Variants in MARK3 observed in about 807,000 individuals in gnomAD.
The protein encoded by MARK3 is MAP/microtubule affinity-regulating kinase 3.
Under a neutral mutation model 90.1 loss-of-function variants are expected in MARK3, and 46 were observed. The ratio of observed to expected loss-of-function variants is 0.51; its 90% confidence interval spans 0.40 to 0.65. The LOEUF is 0.65. MARK3 is among the 30% of genes least tolerant of loss of function. The pLI, the probability that MARK3 is intolerant of heterozygous loss-of-function variation, is 0.00. For synonymous variants in MARK3, 321 were observed against 332.6 expected (o/e 0.97, Z 0.38); for missense variants, 818 against 947.2 (o/e 0.86, Z 1.79).
rs1291930706 is a variant in MARK3, at chr14:103,457,147, G to C, written c.418G>C (p.Val140Leu). 1 of 1,599,852 alleles carries C rather than the reference G, an allele frequency of 6.3e-7. No homozygotes were observed. Among genetic ancestry groups the C allele is most frequent in the Admixed American group, 1.7e-5 (1 of 59,938 alleles). Residue 140 changes from valine (V) to leucine (L), a missense_variant, in exon 6 of 18, where the codon GTA (valine) becomes CTA (leucine). Val to Leu is a conservative substitution (Grantham distance 32). This residue lies in a region of MARK3 where 101 missense variants were observed against 175.1 expected (regional missense o/e 0.58). Transcript: ENST00000429436. ...LIMEYASGGE[V>L]FDYLVAHGRM... ...TTTATTTCTCTCACCTATAGGTGAA[G>C]TATTTGACTATTTGGTTGCACATGG...
At chr14:103,455,783 C>T (rs2093265347) in intron 5 of MARK3, among the ~76,000 whole-genome samples, 1 of 151,168 alleles carries the variant, frequency 6.6e-6, no homozygotes, top group Non-Finnish European at 1.5e-5. Context: ...ATATTTGTGC[C>T]CATTCATTAT....
chr14:103,388,822 A>C (rs1396239930), intron 1 of MARK3, among the ~76,000 whole-genome samples: 1 of 152,074 alleles, frequency 6.6e-6, no homozygotes, highest in African/African-American at 2.4e-5. Flanking sequence ...TTTGAGATTT[A>C]TTTGAATGTG....
At chr14:103,392,666 T>TA (rs1355530615) in intron 1 of MARK3, among the ~76,000 whole-genome samples, 3 of 152,154 alleles carry the variant, frequency 2.0e-5, no homozygotes, top group East Asian at 1.9e-4. Context: ...TCCATGAGTT[T>TA]AAAAAAAACT....
chr14:103,492,247 G>A (rs2094029163), intron 15 of MARK3, among the ~76,000 whole-genome samples: 1 of 152,124 alleles, frequency 6.6e-6, no homozygotes, highest in African/African-American at 2.4e-5. Context: ...AAGTTAACTA[G>A]CATTTAGGAG....
intron 2 of MARK3, chr14:103,411,980 C>A: frequency 4.0e-6 from 1 of 250,990 alleles, no homozygotes; most frequent in Non-Finnish European, 7.3e-6. Context: ...ATTTACTCTT[C>A]CACATGAATT....
chr14:103,466,140 T>C, intron 9 of MARK3, 49 bp downstream of exon 9: 1 of 1,599,906 alleles, frequency 6.3e-7, no homozygotes, highest in Non-Finnish European at 8.5e-7. Context: ...GTCTTTAGAG[T>C]GACCTTAGAT....
Position 103,423,200 on chromosome 14 carries a change from C to CTTT in MARK3, c.244-5175_244-5173dup, listed in dbSNP as rs10529756. On this transcript the variant is annotated intron_variant, in intron 2 of 17. Transcript: ENST00000429436. ...TCTATCCCCCTAGAGGACTTGCAGTCTTTTTTTTTTTTTTGCCTCCTCTTT... is the reference window on the plus strand; with the variant it reads ...TCTATCCCCCTAGAGGACTTGCAGTCTTTTTTTTTTTTTTTTTGCCTCCTCTTT... 1.5e-3 allele frequency among the ~76,000 whole-genome samples: 139 copies of CTTT among 94,706 alleles called. 18 individuals are homozygous for CTTT. Among genetic ancestry groups the CTTT allele is most frequent in the Middle Eastern group, 8.1e-3 (1 of 124 alleles). The allele number at this position is 94,706 out of a possible 152,430, so 62.1% of individuals were successfully genotyped here.
intron 6 of MARK3, among the ~76,000 whole-genome samples, chr14:103,461,238 G>A (rs186316041): frequency 1.0e-3 from 159 of 152,270 alleles, no homozygotes; most frequent in Non-Finnish European, 1.6e-3. Flanking sequence ...GAAAAGACTA[G>A]ATGCAAGTAC....
At chr14:103,434,076 T>A (rs963712188) in intron 3 of MARK3, among the ~76,000 whole-genome samples, 2 of 152,124 alleles carry the variant, frequency 1.3e-5, no homozygotes, top group Non-Finnish European at 2.9e-5. Flanking sequence ...GAGAACCATT[T>A]GACATCTGAT....
intron 14 of MARK3, among the ~76,000 whole-genome samples, chr14:103,487,104 A>G (rs2093943963): frequency 1.3e-5 from 2 of 151,080 alleles, no homozygotes; most frequent in Admixed American, 6.6e-5. Context: ...TTTAGTAGTG[A>G]TGGGTTTTTG....
At chr14:103,458,438 G>A (rs1297910076) in intron 6 of MARK3, among the ~76,000 whole-genome samples, 1 of 109,034 alleles carries the variant, frequency 9.2e-6, no homozygotes, top group Non-Finnish European at 1.7e-5. Flanking sequence ...CAGCCTGGGT[G>A]ACAGAGACTC....
intron 1 of MARK3, among the ~76,000 whole-genome samples, chr14:103,397,829 C>T (rs1373524035): frequency 6.6e-6 from 1 of 152,174 alleles, no homozygotes; most frequent in African/African-American, 2.4e-5. Flanking sequence ...GATGCTTTCT[C>T]ATAAATTCAG....
intron 15 of MARK3, among the ~76,000 whole-genome samples, chr14:103,497,563 G>T (rs962798499): frequency 6.6e-6 from 1 of 152,008 alleles, no homozygotes; most frequent in Admixed American, 6.6e-5. Context: ...AGAATTCTTC[G>T]TGTTTACTAC....
intron 1 of MARK3, among the ~76,000 whole-genome samples, chr14:103,389,504 A>G (rs10137098): frequency 0.97 from 123,853 of 127,940 alleles, 60,103 homozygotes; most frequent in East Asian, 1. Flanking sequence ...CTGCAGCCTG[A>G]GTGACAGAGT....
Position 103,491,598 on chromosome 14 carries a change from G to A in MARK3, c.1587-179G>A, listed in dbSNP as rs1205269019. 5.0e-6 allele frequency: 3 copies of A among 605,956 alleles called. No individual in the cohort carries two copies. In the Admixed American group the frequency reaches 9.1e-5, roughly 18 times the overall value. 37.5% of individuals were successfully genotyped at this position (605,956 alleles called of 1,614,324 possible). A position where few individuals can be genotyped will look rare whatever the true frequency, so the allele number is the denominator to read the frequency against. On this transcript the variant is annotated intron_variant, in intron 14 of 17. Transcript: ENST00000429436. ...ACTCCATGAGGCTTTGTCTCATTAT[G>A]TATTGTTCTTTTGGTACCCTTTCCC...
At chr14:103,447,198 G>A (rs754501073) in intron 3 of MARK3, among the ~76,000 whole-genome samples, 21 of 152,138 alleles carry the variant, frequency 1.4e-4, no homozygotes, top group Non-Finnish European at 2.8e-4. Flanking sequence ...ACTTTGGAAG[G>A]CTGAGGGGGA....
intron 13 of MARK3, among the ~76,000 whole-genome samples, chr14:103,475,930 G>A (rs145525526): frequency 2.6e-3 from 396 of 149,570 alleles, no homozygotes; most frequent in Non-Finnish European, 4.4e-3. Flanking sequence ...GCGACAGAGC[G>A]AGACTCCTTC....
chr14:103,467,674 CAAA>C lies in MARK3; in HGVS notation c.1111-338_1111-336del, dbSNP rs10525116. 157 of 44,926 alleles carry C rather than the reference CAAA, an allele frequency of 3.5e-3. 3 individuals are homozygous for C. Among genetic ancestry groups the C allele is most frequent in the African/African-American group, 0.012 (113 of 9,696 alleles). 2.8% of individuals were successfully genotyped at this position (44,926 alleles called of 1,614,324 possible). On this transcript the variant is annotated intron_variant, in intron 11 of 17. Coordinates refer to ENST00000429436, the MANE Select transcript of MARK3 (RefSeq NM_001128918.3). ...TGGGTGACAGAGCGAGACTCTGTCT[CAAA>C]AAAAAAAAAAAAAAAAAAAAGATGG...
rs145226620 is a variant in MARK3 at position 103,419,885 on chromosome 14, G to A, written c.244-8502G>A. ...GGGAGGGGTGAACTGGCCCAGAAAC[G>A]GAGCAGGTCAAAATTCCTCTGCTGA... On this transcript the variant is annotated intron_variant, in intron 2 of 17. Transcript: ENST00000429436. 6.5e-3 allele frequency among the ~76,000 whole-genome samples: 989 copies of A among 152,176 alleles called. 4 individuals carry two copies. The highest frequency in any genetic ancestry group is 0.031 in the Middle Eastern group (9 of 294).
Sources: gnomAD v4.1 joint callset for allele counts (sites outside exome capture counted in the v4.1 genomes callset) on GRCh38, gnomAD v4.1.1 for gene constraint, gnomAD v4.1.1 regional missense constraint, MANE v1.5 for transcripts, NCBI Gene and HGNC (gene_info 2026-07-23, HGNC 2026-07-21) for gene names.